EPG5: variants seen among roughly 807,000 people sequenced by gnomAD.
The protein encoded by EPG5 is ectopic P granules protein 5 homolog.
EPG5 carries 159 observed loss-of-function variants against 302.7 expected under a neutral mutation model. That is an observed-to-expected ratio of 0.53 (90% CI 0.46 to 0.60). The LOEUF (loss-of-function observed/expected upper bound fraction) is 0.60. Ranked by LOEUF, EPG5 falls within the 20% of genes least tolerant of loss-of-function variation. The probability of loss-of-function intolerance (pLI) is 0.00; values close to 1 mark genes in which losing one functional copy is unlikely to be tolerated. For missense variants in EPG5, 2,896 were observed against 3,092.4 expected (o/e 0.94, Z 1.51); for synonymous variants, 1,158 against 1,136.8 (o/e 1.02, Z -0.37).
chr18:45,830,408 C>T, the EPG5 span, among the ~76,000 whole-genome samples: 1 of 152,106 alleles, frequency 6.6e-6, no homozygotes, highest in East Asian at 1.9e-4. Context: ...GAGCTAATGC[C>T]CGATGCGGCA....
At chr18:45,922,670 C>T (rs1427117188) in intron 15 of EPG5, 70 bp from the exon 16 acceptor site, 1 of 1,548,614 alleles carries the variant, frequency 6.5e-7, no homozygotes, top group Non-Finnish European at 8.8e-7. Flanking sequence ...ATACACTCAT[C>T]TCCTTTTGTG....
the EPG5 span, among the ~76,000 whole-genome samples, chr18:45,819,417 T>C: frequency 2.0e-5 from 3 of 152,302 alleles, no homozygotes; most frequent in African/African-American, 7.2e-5. Flanking sequence ...AGGGAAATTG[T>C]TGAAGTACTG....
intron 10 of EPG5, among the ~76,000 whole-genome samples, chr18:45,937,498 C>T (rs1034391216): frequency 3.3e-5 from 5 of 152,060 alleles, no homozygotes; most frequent in African/African-American, 9.7e-5. Flanking sequence ...CCTCCACTTC[C>T]GGGGTTCAAG....
chr18:45,823,997 T>C, the EPG5 span, among the ~76,000 whole-genome samples: 26 of 152,196 alleles, frequency 1.7e-4, no homozygotes, highest in Middle Eastern at 3.4e-3. Context: ...GTACATAATG[T>C]AATTGCAGGC....
intron 17 of EPG5, among the ~76,000 whole-genome samples, chr18:45,917,471 A>C (rs1200802323): frequency 6.6e-6 from 1 of 152,220 alleles, no homozygotes. Flanking sequence ...AAAAGGAAAA[A>C]TATCTTTCAT....
chr18:45,857,935 G>T lies in EPG5; in HGVS notation c.7360C>A (p.Gln2454Lys), dbSNP rs1303800705. Residue 2454 changes from glutamine to lysine, a missense_variant, in exon 42 of 44, where the codon CAG becomes AAG. By Grantham distance (53) the Gln-to-Lys change is moderately conservative. Around this residue, in one of 5 missense-constraint regions of EPG5, gnomAD observed 620 missense variants for 704.2 expected, o/e 0.88. Transcript: ENST00000282041. ...AGTCTCTCCTCAGCCACGAGGTTCT[G>T]CCTGCTCTGAACCAAGAGCAGAATT... is the stretch of plus-strand genomic sequence containing the variant. The part of the protein sequence containing the change: ...IRILLLVQSR[Q>K]NLVAEERLSS... 1 of 1,613,136 alleles carries T rather than the reference G, an allele frequency of 6.2e-7. No homozygotes were observed. The highest frequency in any genetic ancestry group is 1.1e-5 in the South Asian group (1 of 91,022).
chr18:45,819,441 A>C, the EPG5 span, among the ~76,000 whole-genome samples: 1 of 152,166 alleles, frequency 6.6e-6, no homozygotes, highest in African/African-American at 2.4e-5. Context: ...GGAGGAAAAA[A>C]GTTCAGCAGC....
intron 14 of EPG5, among the ~76,000 whole-genome samples, chr18:45,923,795 AAGAC>A (rs2050208789): frequency 6.6e-6 from 1 of 152,192 alleles, no homozygotes; most frequent in African/African-American, 2.4e-5. Flanking sequence ...TTGGGAAGCC[AAGAC>A]AGACAGATAA....
intron 4 of EPG5, among the ~76,000 whole-genome samples, chr18:45,950,477 C>A (rs546569893): frequency 1.3e-5 from 2 of 152,310 alleles, no homozygotes; most frequent in East Asian, 3.9e-4. Flanking sequence ...TTCTCTCTTG[C>A]CACCACCATG....
At chr18:45,886,200 A>G (rs1462825403) in intron 29 of EPG5, among the ~76,000 whole-genome samples, 1 of 152,238 alleles carries the variant, frequency 6.6e-6, no homozygotes, top group African/African-American at 2.4e-5. Flanking sequence ...CATACCTCTA[A>G]GAAATTATCC....
chr18:45,955,254 A>G lies in EPG5; in HGVS notation c.148T>C (p.Ser50Pro). 1 of 1,614,138 alleles carries G rather than the reference A, an allele frequency of 6.2e-7. No individual in the cohort carries two copies. Among genetic ancestry groups the G allele is most frequent in the East Asian group, 2.2e-5 (1 of 44,890 alleles). ...TCTCCTTTGAATTCACAGGCTAGAG[A>G]AGGGATTTCCTGCTCTCTGGAGGTT... is the stretch of plus-strand genomic sequence containing the variant. ...PKTSREQEIP[S>P]LACEFKGDHL... is the part of the protein sequence containing the mutation. The change falls in exon 2 of 44, where the codon TCT becomes CCT. Residue 50 changes from serine (S) to proline (P), a missense_variant. By Grantham distance (74) the Ser-to-Pro change is moderately conservative. Around this residue, in one of 5 missense-constraint regions of EPG5, gnomAD observed 1,390 missense variants for 1,430.0 expected, o/e 0.97. Transcript: ENST00000282041.
intron 21 of EPG5, 66 bp from the exon 22 acceptor site, chr18:45,912,522 T>C: frequency 2.8e-6 from 4 of 1,434,150 alleles, no homozygotes; most frequent in Non-Finnish European, 3.8e-6. Context: ...TAACTCTTTC[T>C]AAGTGATCCA....
intron 11 of EPG5, among the ~76,000 whole-genome samples, chr18:45,934,332 G>A (rs1184638879): frequency 6.6e-6 from 1 of 152,066 alleles, no homozygotes; most frequent in African/African-American, 2.4e-5. Context: ...CTGTAGTTTA[G>A]AGGTGGTATG....
intron 28 of EPG5, 71 bp from the exon 29 acceptor site, chr18:45,887,978 CCCTA>C: frequency 2.5e-6 from 3 of 1,187,530 alleles, no homozygotes; most frequent in Non-Finnish European, 3.4e-6. Context: ...TTCTTTGATA[CCCTA>C]CAATTTCTCA....
the EPG5 span, among the ~76,000 whole-genome samples, chr18:45,805,303 C>T: frequency 2.6e-5 from 4 of 151,354 alleles, no homozygotes; most frequent in African/African-American, 9.7e-5. Context: ...GATGAATGTA[C>T]TGTGATAATG....
At chr18:45,920,550 C>T (rs184836284) in intron 16 of EPG5, among the ~76,000 whole-genome samples, 2 of 152,222 alleles carry the variant, frequency 1.3e-5, no homozygotes, top group African/African-American at 2.4e-5. Context: ...CCTCAGGCTG[C>T]GTCCACACAT....
intron 35 of EPG5, 115 bp downstream of exon 35, chr18:45,876,121 C>T: frequency 1.5e-6 from 1 of 676,996 alleles, no homozygotes; most frequent in Non-Finnish European, 2.5e-6. Flanking sequence ...GACTTTTCTT[C>T]AGTCACAAAT....
intron 10 of EPG5, among the ~76,000 whole-genome samples, chr18:45,938,459 C>CT (rs1412598431): frequency 7.6e-6 from 1 of 131,756 alleles, no homozygotes; most frequent in Non-Finnish European, 1.5e-5. Flanking sequence ...GAGACTCCAT[C>CT]TCAAAAAAAA....
At chr18:45,894,181 C>G (rs988705542) in intron 27 of EPG5, among the ~76,000 whole-genome samples, 7 of 152,028 alleles carry the variant, frequency 4.6e-5, no homozygotes, top group African/African-American at 1.7e-4. Flanking sequence ...TAAAACAGGC[C>G]AGGCATGGTG....
Sources: gnomAD v4.1 joint callset for allele counts (sites outside exome capture counted in the v4.1 genomes callset) on GRCh38, gnomAD v4.1.1 for gene constraint, gnomAD v4.1.1 regional missense constraint, MANE v1.5 for transcripts, NCBI Gene and HGNC (gene_info 2026-07-23, HGNC 2026-07-21) for gene names.